FMN2: variants seen among roughly 807,000 people sequenced by gnomAD.
The protein encoded by FMN2 is formin-2.
A neutral mutation model predicts 142.3 loss-of-function variants in FMN2; 51 were observed. The observed-to-expected ratio is 0.36, with a 90% CI of 0.29 to 0.45. FMN2 has a LOEUF of 0.45. Ranked by LOEUF, FMN2 falls within the 20% of genes least tolerant of loss-of-function variation. The pLI is 1.00. For synonymous variants in FMN2, 882 were observed against 869.8 expected (o/e 1.01, Z -0.25); for missense variants, 1,936 against 2,122.8 (o/e 0.91, Z 1.73).
At chr1:240,444,690 T>C (rs1031858050) in intron 16 of FMN2, among the ~76,000 whole-genome samples, 1 of 152,194 alleles carries the variant, frequency 6.6e-6, no homozygotes. Flanking sequence ...ATGTTTATCC[T>C]TAGAAGGTTA....
At chr1:240,178,741 C>A (rs553962050) in intron 3 of FMN2, among the ~76,000 whole-genome samples, 13 of 152,056 alleles carry the variant, frequency 8.5e-5, no homozygotes, top group Non-Finnish European at 1.5e-4. Context: ...GGCTTTTCTT[C>A]ATTTTGTTGT....
At chr1:240,115,672 C>T (rs1224671900) in intron 1 of FMN2, among the ~76,000 whole-genome samples, 1 of 152,096 alleles carries the variant, frequency 6.6e-6, no homozygotes, top group Non-Finnish European at 1.5e-5. Context: ...ACAATACAGT[C>T]TTGTCACAGA....
intron 2 of FMN2, among the ~76,000 whole-genome samples, chr1:240,148,434 G>A (rs1400872528): frequency 8.2e-6 from 1 of 122,298 alleles, no homozygotes; most frequent in African/African-American, 2.6e-5. Flanking sequence ...GATACAGAAA[G>A]AGAGAGACAG....
At chr1:240,118,201 GT>G (rs1443579313) in intron 1 of FMN2, among the ~76,000 whole-genome samples, 2 of 152,144 alleles carry the variant, frequency 1.3e-5, no homozygotes, top group African/African-American at 4.8e-5. Context: ...GATTGGGGCT[GT>G]TGCCTTGGGT....
chr1:240,148,926 C>G (rs890089821), intron 2 of FMN2, among the ~76,000 whole-genome samples: 4 of 150,744 alleles, frequency 2.7e-5, no homozygotes, highest in Non-Finnish European at 4.4e-5. Flanking sequence ...GAGTCTAGAT[C>G]GCGCCACTGC....
chr1:240,163,252 T>C (rs1349943580), intron 2 of FMN2, among the ~76,000 whole-genome samples: 2 of 152,198 alleles, frequency 1.3e-5, no homozygotes, highest in Non-Finnish European at 2.9e-5. Context: ...ATTATGTTGT[T>C]CAGATCTTCC....
intron 13 of FMN2, among the ~76,000 whole-genome samples, chr1:240,336,742 G>T (rs528931213): frequency 6.6e-6 from 1 of 152,178 alleles, no homozygotes; most frequent in South Asian, 2.1e-4. Context: ...TACAGGGAAG[G>T]TTGGAGAAAT....
At chr1:240,286,454 C>T (rs1669593072) in intron 7 of FMN2, among the ~76,000 whole-genome samples, 1 of 152,152 alleles carries the variant, frequency 6.6e-6, no homozygotes, top group Admixed American at 6.5e-5. Flanking sequence ...GCTTTACCCT[C>T]AGTTGGACAA....
At chr1:240,127,580 C>T (rs544748888) in intron 2 of FMN2, among the ~76,000 whole-genome samples, 5 of 152,080 alleles carry the variant, frequency 3.3e-5, no homozygotes, top group African/African-American at 1.2e-4. Context: ...TGGGCTCAAG[C>T]GATCCTTCCA....
intron 2 of FMN2, among the ~76,000 whole-genome samples, chr1:240,165,278 T>C (rs1664433327): frequency 6.6e-6 from 1 of 152,146 alleles, no homozygotes; most frequent in Admixed American, 6.6e-5. Flanking sequence ...TGGGCTCAAG[T>C]GATCCTCTAG....
intron 1 of FMN2, among the ~76,000 whole-genome samples, chr1:240,112,139 T>C (rs1471637154): frequency 2.1e-4 from 32 of 151,356 alleles, no homozygotes; most frequent in African/African-American, 5.8e-4. Flanking sequence ...CATTTTCTTT[T>C]TTTTTTTTTT....
In FMN2 at chr1:240,385,736, C is replaced by T. The variant is rs540232933; in HGVS notation, c.4859-6775C>T. Among the ~76,000 whole-genome samples, 7 of 152,220 alleles carry T rather than the reference C, an allele frequency of 4.6e-5. No homozygotes were observed. In the South Asian group the frequency reaches 1.5e-3, roughly 32 times the overall value. Reference sequence around the variant, plus strand: ...CATCAGGCTGGGTGATAATAGCACACGGCTTTCCTGTATTTTATGTTTGGC... The same window carrying T: ...CATCAGGCTGGGTGATAATAGCACATGGCTTTCCTGTATTTTATGTTTGGC... On this transcript the variant is annotated intron_variant, in intron 14 of 17. Transcript: ENST00000319653.
intron 14 of FMN2, among the ~76,000 whole-genome samples, chr1:240,367,767 CAAAAAAAAA>C (rs60368715): frequency 7.4e-5 from 4 of 54,058 alleles, no homozygotes; most frequent in South Asian, 1.5e-3. Context: ...GACTCAGTCT[CAAAAAAAAA>C]AAAAAAAAAA....
intron 15 of FMN2, among the ~76,000 whole-genome samples, chr1:240,433,542 A>G (rs1675252141): frequency 1.3e-5 from 2 of 152,282 alleles, no homozygotes; most frequent in South Asian, 2.1e-4. Flanking sequence ...GCTTAGCCCT[A>G]AAAGGGAGTT....
At chr1:240,352,450 C>A (rs2103042102) in intron 13 of FMN2, among the ~76,000 whole-genome samples, 1 of 152,236 alleles carries the variant, frequency 6.6e-6, no homozygotes. Flanking sequence ...GGCGTGGTGG[C>A]AGGCGCCTGT....
intron 2 of FMN2, among the ~76,000 whole-genome samples, chr1:240,174,001 T>C (rs187982438): frequency 9.2e-5 from 14 of 152,256 alleles, no homozygotes; most frequent in African/African-American, 3.4e-4. Flanking sequence ...CAAAAGTCTT[T>C]TTGTGGTTGA....
chr1:240,262,759 C>CT (rs764626617), intron 7 of FMN2, among the ~76,000 whole-genome samples: 30,640 of 117,710 alleles, frequency 0.26, 4,674 homozygotes, highest in Middle Eastern at 0.33. Context: ...AAAACTTTTA[C>CT]TTTTTTTTTT....
chr1:240,309,135 A>G (rs1351230959), intron 8 of FMN2, among the ~76,000 whole-genome samples: 2 of 152,214 alleles, frequency 1.3e-5, no homozygotes, highest in African/African-American at 4.8e-5. Context: ...CTATGATGGA[A>G]GAGTACAAGA....
intron 15 of FMN2, among the ~76,000 whole-genome samples, chr1:240,406,453 C>T (rs1674203557): frequency 1.3e-5 from 2 of 152,138 alleles, no homozygotes; most frequent in Admixed American, 6.5e-5. Flanking sequence ...GTTAAGATCG[C>T]GCTCTGAGAA....
Sources: allele counts gnomAD v4.1 joint callset (sites outside exome capture counted in the v4.1 genomes callset), GRCh38; gene constraint gnomAD v4.1.1; transcripts MANE v1.5; gene names NCBI Gene and HGNC (gene_info 2026-07-23, HGNC 2026-07-21).